Variants in ATP9B observed in about 807,000 individuals in gnomAD.
ATP9B encodes ATPase phospholipid transporting 9B.
ATP9B carries 110 observed loss-of-function variants against 146.1 expected under a neutral mutation model. That is an observed-to-expected ratio of 0.75 (90% CI 0.65 to 0.88). The LOEUF (loss-of-function observed/expected upper bound fraction) is 0.88, where lower values mean the gene tolerates loss of function less well. ATP9B is among the 40% of genes least tolerant of loss of function. The probability of loss-of-function intolerance (pLI) is 0.00; values close to 1 mark genes in which losing one functional copy is unlikely to be tolerated. For synonymous variants in ATP9B, 604 were observed against 569.7 expected (o/e 1.06, Z -0.86); for missense variants, 1,499 against 1,496.4 (o/e 1.00, Z -0.03).
Position 79,303,723 on chromosome 18 carries a change from G to T in ATP9B, c.1524+7G>T. 1 of 1,609,284 alleles carries T rather than the reference G, an allele frequency of 6.2e-7. No individual in the cohort carries two copies. The highest frequency in any genetic ancestry group is 2.2e-5 in the East Asian group (1 of 44,810). ...CAGGGACTCCTACTCACAGGTAAGT[G>T]GGTTCCTCCTGCACGGGGTCTGCTT... On this transcript the variant is annotated splice_region_variant and intron_variant, in intron 14 of 29. Transcript: ENST00000426216.
At chr18:79,119,900 T>G (rs1410516635) in intron 4 of ATP9B, among the ~76,000 whole-genome samples, 2 of 152,222 alleles carry the variant, frequency 1.3e-5, no homozygotes, top group East Asian at 3.8e-4. Flanking sequence ...GAGAGCATAT[T>G]GATTCTTTTA....
chr18:79,082,016 C>G (rs945290229), intron 1 of ATP9B, among the ~76,000 whole-genome samples: 3 of 152,118 alleles, frequency 2.0e-5, no homozygotes, highest in African/African-American at 7.2e-5. Flanking sequence ...CAACTTGGTT[C>G]CATTCTCCCC....
At chr18:79,300,053 G>A (rs1470589740) in intron 13 of ATP9B, 2 of 152,322 alleles carry the variant, frequency 1.3e-5, no homozygotes, top group Non-Finnish European at 2.9e-5. Context: ...GGAGGTGTTT[G>A]TCTTCGGAAA....
At chr18:79,266,626 C>T (rs923553029) in intron 12 of ATP9B, among the ~76,000 whole-genome samples, 1 of 151,870 alleles carries the variant, frequency 6.6e-6, no homozygotes, top group South Asian at 2.1e-4. Flanking sequence ...TTTTTCTGTT[C>T]CTATTTTGCT....
chr18:79,212,723 G>A (rs144551492), intron 10 of ATP9B, among the ~76,000 whole-genome samples: 54 of 152,144 alleles, frequency 3.5e-4, no homozygotes, highest in African/African-American at 1.1e-3. Flanking sequence ...ATTTCTCTGC[G>A]TAGTAAGTAT....
At chr18:79,268,677 A>C (rs1206637544) in intron 12 of ATP9B, among the ~76,000 whole-genome samples, 1 of 152,230 alleles carries the variant, frequency 6.6e-6, no homozygotes, top group African/African-American at 2.4e-5. Context: ...GGTTATTCTT[A>C]AACCTAACAA....
chr18:79,118,392 T>TTTTG (rs2094128631), intron 4 of ATP9B, among the ~76,000 whole-genome samples: 1 of 94,512 alleles, frequency 1.1e-5, no homozygotes, highest in African/African-American at 4.7e-5. Context: ...ACGTTTTTGT[T>TTTTG]TTTTTTTTTT....
At chr18:79,108,302 TTTAA>T (rs2075788075) in intron 2 of ATP9B, among the ~76,000 whole-genome samples, 1 of 152,220 alleles carries the variant, frequency 6.6e-6, no homozygotes, top group Non-Finnish European at 1.5e-5. Flanking sequence ...TGAAGCCTTA[TTTAA>T]TTTTTCTTTC....
intron 1 of ATP9B, chr18:79,087,769 G>A (rs1821042300): frequency 6.6e-6 from 1 of 152,130 alleles, no homozygotes; most frequent in Admixed American, 6.6e-5. Flanking sequence ...GTACTTGAGA[G>A]TTCCTAATTT....
chr18:79,361,580 A>G (rs1211467565), intron 26 of ATP9B: 2 of 165,840 alleles, frequency 1.2e-5, no homozygotes, highest in African/African-American at 4.8e-5. Flanking sequence ...CTTTTCTTCA[A>G]CATCTTATCT....
intron 7 of ATP9B, among the ~76,000 whole-genome samples, chr18:79,169,390 T>C (rs2095035525): frequency 6.6e-6 from 1 of 152,176 alleles, no homozygotes; most frequent in East Asian, 1.9e-4. Flanking sequence ...TTCAGTATAG[T>C]AGGTGTTCAG....
At chr18:79,105,600 A>G (rs926403823) in intron 2 of ATP9B, among the ~76,000 whole-genome samples, 1 of 152,236 alleles carries the variant, frequency 6.6e-6, no homozygotes, top group Non-Finnish European at 1.5e-5. Context: ...AATCTTTTTC[A>G]TGTGAGTGAA....
chr18:79,124,663 C>A (rs1382111264), intron 4 of ATP9B, among the ~76,000 whole-genome samples: 1 of 152,182 alleles, frequency 6.6e-6, no homozygotes, highest in East Asian at 1.9e-4. Flanking sequence ...TTGAAGGATA[C>A]AGCAATATTG....
intron 12 of ATP9B, among the ~76,000 whole-genome samples, chr18:79,275,511 G>T (rs2096297954): frequency 6.6e-6 from 1 of 152,222 alleles, no homozygotes; most frequent in Non-Finnish European, 1.5e-5. Context: ...AGCCTTTCCT[G>T]CCTGTCAAAC....
At chr18:79,240,732 G>C (rs1324691823) in intron 11 of ATP9B, among the ~76,000 whole-genome samples, 1 of 152,210 alleles carries the variant, frequency 6.6e-6, no homozygotes, top group Non-Finnish European at 1.5e-5. Context: ...GGCAACAAGA[G>C]CGAAACTCCG....
chr18:79,141,455 G>A (rs1040637447), intron 5 of ATP9B, among the ~76,000 whole-genome samples: 1 of 152,088 alleles, frequency 6.6e-6, no homozygotes, highest in African/African-American at 2.4e-5. Flanking sequence ...GATAATACAC[G>A]ACTTACTGAG....
At chr18:79,240,332 T>A (rs981183593) in intron 11 of ATP9B, among the ~76,000 whole-genome samples, 3 of 152,244 alleles carry the variant, frequency 2.0e-5, no homozygotes, top group Admixed American at 1.3e-4. Flanking sequence ...TATAGAAAAT[T>A]CAGCCTGTTT....
intron 13 of ATP9B, 125 bp downstream of exon 13, chr18:79,277,321 A>C (rs1363435046): frequency 8.1e-7 from 1 of 1,241,966 alleles, no homozygotes; most frequent in Admixed American, 2.6e-5. Flanking sequence ...AGATCATTGA[A>C]TCCATATTTA....
At chr18:79,375,777 T>A in intron 29 of ATP9B, 4 of 985,410 alleles carry the variant, frequency 4.1e-6, no homozygotes, top group Non-Finnish European at 4.8e-6. Context: ...CACACAAACT[T>A]AGGAATTCCC....
Sources: allele counts gnomAD v4.1 joint callset (sites outside exome capture counted in the v4.1 genomes callset), GRCh38; gene constraint gnomAD v4.1.1; transcripts MANE v1.5; gene names NCBI Gene and HGNC (gene_info 2026-07-23, HGNC 2026-07-21).